The following CDK5RAP2 variants were observed in gnomAD, a reference collection of about 807,000 sequenced individuals.
CDK5RAP2 encodes the protein CDK5 regulatory subunit-associated protein 2.
A neutral mutation model predicts 232.9 loss-of-function variants in CDK5RAP2; 147 were observed. The ratio of observed to expected loss-of-function variants is 0.63; its 90% CI spans 0.55 to 0.72. CDK5RAP2 has a LOEUF of 0.72. Among genes scored for constraint, CDK5RAP2 ranks in the 30% least tolerant of loss-of-function variants. The pLI is 0.00. For missense variants in CDK5RAP2, 2,195 were observed against 2,231.5 expected, an observed-to-expected ratio of 0.98 and a Z score of 0.33; for synonymous variants, 833 against 833.7, an observed-to-expected ratio of 1.00 and a Z score of 0.01.
chr9:120,519,054 A>C (rs1178800287), intron 11 of CDK5RAP2, among the ~76,000 whole-genome samples: 1 of 152,062 alleles, frequency 6.6e-6, no homozygotes, highest in East Asian at 1.9e-4. Flanking sequence ...GGGTGCCTGT[A>C]GTCCCAGCTA....
At chr9:120,493,263 A>AT (rs762506461) in intron 12 of CDK5RAP2, among the ~76,000 whole-genome samples, 4 of 152,194 alleles carry the variant, frequency 2.6e-5, no homozygotes, top group Non-Finnish European at 5.9e-5. Flanking sequence ...GACTTCTAGA[A>AT]TTGCAAGATA....
chr9:120,568,502 G>A (rs771500276), intron 2 of CDK5RAP2, 114 bp from the exon 3 acceptor site: 114 of 804,002 alleles, frequency 1.4e-4, no homozygotes, highest in African/African-American at 2.9e-4. Context: ...CAGTACACGC[G>A]GCTGGTACTT....
chr9:120,445,909 T>C (rs1019289504), intron 22 of CDK5RAP2, among the ~76,000 whole-genome samples: 4 of 152,220 alleles, frequency 2.6e-5, no homozygotes, highest in African/African-American at 9.6e-5. Flanking sequence ...AACAGGCATC[T>C]CGAGTATGTC....
chr9:120,568,530 A>T, intron 2 of CDK5RAP2, 142 bp from the exon 3 acceptor site: 3 of 746,544 alleles, frequency 4.0e-6, no homozygotes, highest in Non-Finnish European at 7.4e-6. Context: ...TTTGTGATTT[A>T]CTGATTTTGC....
rs548947000 is a variant in CDK5RAP2 at position 120,469,909 on chromosome 9, G to C, written c.1968+202C>G. On this transcript the variant is annotated intron_variant, in intron 17 of 37. Coordinates refer to ENST00000349780, the MANE Select transcript of CDK5RAP2 (RefSeq NM_018249.6). ...CCTCAAGGAGATCGAGCCTGGCTGGGTTCTCAGGCCTGGGGAGTTTATCAG... is the reference window on the plus strand; with the variant it reads ...CCTCAAGGAGATCGAGCCTGGCTGGCTTCTCAGGCCTGGGGAGTTTATCAG... Among the ~76,000 whole-genome samples the C allele has an allele frequency of 9.2e-5, 14 of 152,214 alleles. No homozygotes were observed. The East Asian group carries it at 2.3e-3, about 25-fold the overall frequency.
intron 12 of CDK5RAP2, among the ~76,000 whole-genome samples, chr9:120,508,244 C>T (rs1316461074): frequency 2.6e-5 from 4 of 151,934 alleles, no homozygotes; most frequent in Admixed American, 6.6e-5. Context: ...GGAGAATTTC[C>T]AGAATTAGTA....
chr9:120,543,033 T>C (rs1408621375), intron 5 of CDK5RAP2, among the ~76,000 whole-genome samples: 1 of 152,170 alleles, frequency 6.6e-6, no homozygotes, highest in Non-Finnish European at 1.5e-5. Flanking sequence ...ATGAACTGTG[T>C]TTGGAATAGA....
intron 15 of CDK5RAP2, among the ~76,000 whole-genome samples, chr9:120,476,753 C>G (rs2038039176): frequency 6.6e-6 from 1 of 151,606 alleles, no homozygotes; most frequent in Non-Finnish European, 1.5e-5. Flanking sequence ...GACACATGGA[C>G]AGAGGCCCAG....
intron 12 of CDK5RAP2, among the ~76,000 whole-genome samples, chr9:120,496,588 C>G (rs2039264078): frequency 6.6e-6 from 1 of 150,924 alleles, no homozygotes; most frequent in African/African-American, 2.4e-5. Flanking sequence ...TCCGGCCAGC[C>G]GCCCCGTCCG....
At chr9:120,467,815 G>T (rs369896931) in intron 18 of CDK5RAP2, 45 bp downstream of exon 18, 176 of 1,606,970 alleles carry the variant, frequency 1.1e-4, no homozygotes, top group South Asian at 6.8e-4. Flanking sequence ...CAAGCCGGTT[G>T]TTATATTTTT....
At chr9:120,404,293 G>A (rs1160146458) in intron 32 of CDK5RAP2, among the ~76,000 whole-genome samples, 180 bp from the exon 33 acceptor site, 1 of 152,232 alleles carries the variant, frequency 6.6e-6, no homozygotes, top group Non-Finnish European at 1.5e-5. Context: ...CAGGGAGACA[G>A]AGTGACCAGG....
chr9:120,439,513 T>C lies in CDK5RAP2; in HGVS notation c.3608A>G (p.Lys1203Arg), dbSNP rs143248201. The change falls in exon 24 of 38, where the codon AAA (lysine) becomes AGA (arginine). Residue 1203 changes from lysine (K) to arginine (R), a missense_variant. Coordinates refer to ENST00000349780, the MANE Select transcript of CDK5RAP2 (RefSeq NM_018249.6). The part of the protein sequence containing the change: ...MIDSRVLENL[K>R]QQLEEQEYKL... ...GTATTCCTGTTCCTCCAGCTGCTGT[T>C]TGAGGTTCTCCAGCACCCTGCTGTC... The C allele has an allele frequency of 3.1e-5, 50 of 1,614,086 alleles. No homozygotes were observed. Among genetic ancestry groups the C allele is most frequent in the African/African-American group, 2.1e-4 (16 of 74,944 alleles).
At chr9:120,531,102 C>T (rs960330214) in intron 7 of CDK5RAP2, among the ~76,000 whole-genome samples, 4 of 152,064 alleles carry the variant, frequency 2.6e-5, no homozygotes, top group Non-Finnish European at 5.9e-5. Context: ...ATCAGAGGGC[C>T]CTGCCGACAG....
At chr9:120,497,612 G>A (rs1290010109) in intron 12 of CDK5RAP2, among the ~76,000 whole-genome samples, 1 of 152,036 alleles carries the variant, frequency 6.6e-6, no homozygotes, top group Non-Finnish European at 1.5e-5. Flanking sequence ...CAAGTGACTA[G>A]CACTAACCTC....
At chr9:120,579,654 CTT>C in intron 1 of CDK5RAP2, among the ~76,000 whole-genome samples, 1 of 152,338 alleles carries the variant, frequency 6.6e-6, no homozygotes, top group Non-Finnish European at 1.5e-5. Context: ...TCGTCCTACT[CTT>C]TCAGAAAACT....
intron 2 of CDK5RAP2, among the ~76,000 whole-genome samples, chr9:120,569,046 G>A (rs1002500331): frequency 2.6e-5 from 4 of 152,206 alleles, no homozygotes; most frequent in Non-Finnish European, 5.9e-5. Context: ...TCGGTGCCAA[G>A]CCCCATCCTG....
At chr9:120,547,228 G>A (rs2041881151) in intron 4 of CDK5RAP2, among the ~76,000 whole-genome samples, 1 of 151,970 alleles carries the variant, frequency 6.6e-6, no homozygotes, top group African/African-American at 2.4e-5. Context: ...GACCTCAAGT[G>A]ATCCGCCTGC....
intron 24 of CDK5RAP2, among the ~76,000 whole-genome samples, chr9:120,439,134 G>A (rs1014031435): frequency 2.6e-5 from 4 of 152,114 alleles, no homozygotes; most frequent in African/African-American, 9.7e-5. Flanking sequence ...CCAACTTGAG[G>A]AGGGCGAAAT....
rs10732388 is a variant in CDK5RAP2 at position 120,550,541 on chromosome 9, C to T, written c.306+251G>A. Among the ~76,000 whole-genome samples the T allele has an allele frequency of 0.98, 149,174 of 152,322 alleles. 73,107 individuals carry two copies. Among genetic ancestry groups the T allele is most frequent in the East Asian group, 1 (5,188 of 5,188 alleles). ...AGAACACGTAATTATAAAAACTTAA[C>T]TGAGGTAAAAAGTAGTGAATCTGAA... On this transcript the variant is annotated intron_variant, in intron 4 of 37. Transcript: ENST00000349780.
Sources: allele counts gnomAD v4.1 joint callset (sites outside exome capture counted in the v4.1 genomes callset), GRCh38; gene constraint gnomAD v4.1.1; transcripts MANE v1.5; gene names NCBI Gene and HGNC (gene_info 2026-07-23, HGNC 2026-07-21).